Variants in PPARGC1A observed in about 807,000 individuals in gnomAD.
PPARGC1A encodes PPARG coactivator 1 alpha.
In PPARGC1A, 25 loss-of-function variants were observed where a neutral mutation model predicts 88.7. That is an observed-to-expected ratio of 0.28 (90% CI 0.21 to 0.39). The LOEUF (loss-of-function observed/expected upper bound fraction) is 0.39, where lower values mean the gene tolerates loss of function less well. Among genes scored for constraint, PPARGC1A ranks in the 10% least tolerant of loss-of-function variants. The pLI is 1.00. For synonymous variants in PPARGC1A, 363 were observed against 355.6 expected, an observed-to-expected ratio of 1.02 and a Z score of -0.24; for missense variants, 880 against 968.7, an observed-to-expected ratio of 0.91 and a Z score of 1.22.
the PPARGC1A span, among the ~76,000 whole-genome samples, chr4:24,291,996 A>G: frequency 6.6e-6 from 1 of 152,192 alleles, no homozygotes; most frequent in Non-Finnish European, 1.5e-5. Context: ...CAGCACAGAA[A>G]ACCTGCGAGA....
chr4:23,924,716 C>T, the PPARGC1A span, among the ~76,000 whole-genome samples: 1 of 152,262 alleles, frequency 6.6e-6, no homozygotes, highest in African/African-American at 2.4e-5. Flanking sequence ...CCATACAGCA[C>T]CATGCCTAGA....
the PPARGC1A span, among the ~76,000 whole-genome samples, chr4:24,297,107 C>T: frequency 1.7e-3 from 265 of 152,240 alleles, no homozygotes; most frequent in African/African-American, 6.0e-3. Context: ...CAAAGTGATT[C>T]ACACTCGAAG....
the PPARGC1A span, among the ~76,000 whole-genome samples, chr4:24,193,252 C>A: frequency 2.0e-5 from 3 of 152,174 alleles, no homozygotes; most frequent in Admixed American, 2.0e-4. Flanking sequence ...CAACACATAG[C>A]AGGACGCAAG....
At chr4:24,233,579 AACACATACAC>A in the PPARGC1A span, among the ~76,000 whole-genome samples, 154 of 93,902 alleles carry the variant, frequency 1.6e-3, no homozygotes, top group African/African-American at 5.8e-3. Flanking sequence ...GACACACACA[AACACATACAC>A]ACACACACAC....
At chr4:23,871,756 GC>G (rs1014189125) in intron 2 of PPARGC1A, among the ~76,000 whole-genome samples, 8 of 152,118 alleles carry the variant, frequency 5.3e-5, no homozygotes, top group African/African-American at 1.9e-4. Context: ...TAAGCCAAGA[GC>G]CCATGGAAAA....
At chr4:24,081,908 G>T in the PPARGC1A span, among the ~76,000 whole-genome samples, 3 of 151,840 alleles carry the variant, frequency 2.0e-5, no homozygotes, top group African/African-American at 4.8e-5. Flanking sequence ...CTATTCATTT[G>T]TCCATTGGTA....
chr4:23,889,792 G>A (rs1717541727), intron 1 of PPARGC1A, 112 bp downstream of exon 1: 1 of 1,284,796 alleles, frequency 7.8e-7, no homozygotes, highest in South Asian at 1.5e-5. Flanking sequence ...CTCCTGCCTG[G>A]ACTACTTTCC....
chr4:24,451,084 C>A, the PPARGC1A span, among the ~76,000 whole-genome samples: 14 of 152,206 alleles, frequency 9.2e-5, no homozygotes, highest in African/African-American at 2.9e-4. Context: ...ATAATCAGCA[C>A]TTCAGCTTGG....
chr4:23,996,435 C>G, the PPARGC1A span, among the ~76,000 whole-genome samples: 2 of 152,166 alleles, frequency 1.3e-5, no homozygotes, highest in Non-Finnish European at 2.9e-5. Flanking sequence ...AACTGCAGAA[C>G]AGAATACCCC....
At chr4:24,168,642 G>GACACAC in the PPARGC1A span, among the ~76,000 whole-genome samples, 106 of 148,186 alleles carry the variant, frequency 7.2e-4, 1 homozygote, top group Admixed American at 2.2e-3. Flanking sequence ...CACAGACATA[G>GACACAC]ACACACACAC....
At chr4:24,233,359 TTCTCTC>T in the PPARGC1A span, among the ~76,000 whole-genome samples, 9 of 150,728 alleles carry the variant, frequency 6.0e-5, no homozygotes, top group Non-Finnish European at 1.0e-4. Context: ...CTCTCTGTCT[TTCTCTC>T]TCTCTCTCTC....
chr4:24,433,653 C>T, the PPARGC1A span, among the ~76,000 whole-genome samples: 7 of 152,112 alleles, frequency 4.6e-5, no homozygotes, highest in East Asian at 5.8e-4. Flanking sequence ...TCCCACATGA[C>T]GGGGTAATGT....
At chr4:24,223,732 A>T in the PPARGC1A span, among the ~76,000 whole-genome samples, 2 of 152,222 alleles carry the variant, frequency 1.3e-5, no homozygotes, top group Non-Finnish European at 2.9e-5. Flanking sequence ...TAAAAATAGT[A>T]ACTATGGAAG....
the PPARGC1A span, among the ~76,000 whole-genome samples, chr4:24,196,725 C>A: frequency 6.6e-6 from 1 of 152,174 alleles, no homozygotes; most frequent in Non-Finnish European, 1.5e-5. Context: ...TGATGGGAAT[C>A]CTAGTCCATC....
the PPARGC1A span, among the ~76,000 whole-genome samples, chr4:24,326,003 G>A: frequency 4.0e-5 from 6 of 151,826 alleles, no homozygotes; most frequent in African/African-American, 1.5e-4. Context: ...CTGCTTACCT[G>A]ACTATTCCTG....
upstream of PPARGC1A, chr4:23,890,207 A>T: frequency 3.5e-6 from 2 of 568,762 alleles, no homozygotes; most frequent in Non-Finnish European, 5.0e-6. Context: ...GCTTCAGTGA[A>T]GTAACGCTTT....
the PPARGC1A span, among the ~76,000 whole-genome samples, chr4:24,185,790 C>G: frequency 7.6e-6 from 1 of 131,590 alleles, no homozygotes; most frequent in East Asian, 2.7e-4. Flanking sequence ...CTCCCCCCTC[C>G]CCCGACCCCA....
intron 2 of PPARGC1A, among the ~76,000 whole-genome samples, chr4:23,852,779 T>C (rs866558121): frequency 2.6e-5 from 4 of 152,300 alleles, no homozygotes; most frequent in African/African-American, 7.2e-5. Flanking sequence ...AAGCCTAGTT[T>C]TTATCTTTTC....
the PPARGC1A span, among the ~76,000 whole-genome samples, chr4:24,027,196 A>AGTGTGTGTGTGTGTGTGTGTGTGT: frequency 2.3e-3 from 309 of 133,410 alleles, 1 homozygote; most frequent in Non-Finnish European, 3.2e-3. Context: ...ACCTCAGGCT[A>AGTGTGTGTGTGTGTGTGTGTGTGT]GTGTGTGTGT....
Sources: allele counts gnomAD v4.1 joint callset (sites outside exome capture counted in the v4.1 genomes callset), GRCh38; gene constraint gnomAD v4.1.1; transcripts MANE v1.5; gene names NCBI Gene and HGNC (gene_info 2026-07-23, HGNC 2026-07-21).